The following AGBL1 variants were observed in gnomAD, a reference collection of about 807,000 sequenced individuals.
AGBL1 encodes the protein cytosolic carboxypeptidase 4.
A neutral mutation model predicts 118.9 loss-of-function variants in AGBL1; 130 were observed. The observed-to-expected ratio is 1.09, with a 90% CI of 0.95 to 1.26. The LOEUF (loss-of-function observed/expected upper bound fraction) is 1.26. Ranked by LOEUF, AGBL1 falls within the 50% of genes most tolerant of loss-of-function variation. AGBL1 has a pLI of 0.00. For synonymous variants in AGBL1, 555 were observed against 478.9 expected (o/e 1.16, Z -2.08); for missense variants, 1,584 against 1,298.1 (o/e 1.22, Z -3.38).
intron 18 of AGBL1, among the ~76,000 whole-genome samples, chr15:86,504,012 A>G (rs915557692): frequency 2.0e-5 from 3 of 151,652 alleles, no homozygotes; most frequent in African/African-American, 4.8e-5. Flanking sequence ...CCATTACTGA[A>G]AGTGGGGAAC....
chr15:86,439,893 G>A (rs1225596274), intron 18 of AGBL1, among the ~76,000 whole-genome samples: 1 of 152,130 alleles, frequency 6.6e-6, no homozygotes, highest in African/African-American at 2.4e-5. Context: ...TTATGTCAGA[G>A]CACAGAGCAC....
chr15:86,188,034 T>C (rs972254695), intron 5 of AGBL1, among the ~76,000 whole-genome samples: 4 of 152,218 alleles, frequency 2.6e-5, no homozygotes, highest in Non-Finnish European at 5.9e-5. Context: ...TTAAAGTTTT[T>C]TCGTCTCTCA....
downstream of AGBL1, among the ~76,000 whole-genome samples, chr15:86,917,479 C>T (rs1596632418): frequency 6.6e-6 from 1 of 152,128 alleles, no homozygotes; most frequent in African/African-American, 2.4e-5. This position sits in a 1 kb window ranked among gnomAD's most constrained non-coding sequence, Gnocchi z 4.8. Context: ...TATTACTGAG[C>T]ACACTGAATG....
chr15:86,127,534 A>T (rs542516339), intron 1 of AGBL1, among the ~76,000 whole-genome samples: 6 of 152,222 alleles, frequency 3.9e-5, no homozygotes, highest in Non-Finnish European at 8.8e-5. Flanking sequence ...GGCATCCACC[A>T]AAAGCAGGCC....
At chr15:86,310,704 G>T (rs1356792960) in intron 17 of AGBL1, among the ~76,000 whole-genome samples, 1 of 152,208 alleles carries the variant, frequency 6.6e-6, no homozygotes, top group Non-Finnish European at 1.5e-5. Flanking sequence ...ATGGAGCCGT[G>T]GGGGCCAGCC....
chr15:86,107,301 T>G (rs1377807497), intron 1 of AGBL1, among the ~76,000 whole-genome samples: 1 of 152,246 alleles, frequency 6.6e-6, no homozygotes, highest in Non-Finnish European at 1.5e-5. Context: ...TTAATTTTCA[T>G]ATGTAGTGGC....
chr15:86,936,972 C>A (rs148721068), intron 23 of AGBL1, among the ~76,000 whole-genome samples: 28 of 152,102 alleles, frequency 1.8e-4, no homozygotes, highest in African/African-American at 4.3e-4. Flanking sequence ...AACATACAAC[C>A]CCATTAAAAA....
intron 9 of AGBL1, among the ~76,000 whole-genome samples, chr15:86,260,169 C>T (rs2078960654): frequency 6.6e-6 from 1 of 152,202 alleles, no homozygotes; most frequent in African/African-American, 2.4e-5. Flanking sequence ...GAAACTGCTC[C>T]AGAAAACTGG....
chr15:86,597,190 A>G (rs958410989), intron 21 of AGBL1, among the ~76,000 whole-genome samples: 1 of 149,496 alleles, frequency 6.7e-6, no homozygotes, highest in Non-Finnish European at 1.5e-5. Context: ...TTATCTAGCT[A>G]GCTAGCCAGC....
intron 5 of AGBL1, among the ~76,000 whole-genome samples, chr15:86,170,759 T>C (rs1340372522): frequency 1.3e-5 from 2 of 151,890 alleles, no homozygotes. Context: ...GGCAGGAGAA[T>C]TGCTTGAACC....
At chr15:86,268,854 A>G (rs2079113254) in intron 13 of AGBL1, among the ~76,000 whole-genome samples, 1 of 152,164 alleles carries the variant, frequency 6.6e-6, no homozygotes, top group Non-Finnish European at 1.5e-5. Flanking sequence ...ATCTCACACA[A>G]TGCCATTTAC....
chr15:86,152,722 A>G (rs974374402), intron 3 of AGBL1, among the ~76,000 whole-genome samples: 17 of 152,234 alleles, frequency 1.1e-4, no homozygotes, highest in Admixed American at 3.9e-4. Flanking sequence ...ATCAGAGTGA[A>G]CAGGCATCCT....
At position 86,827,392 on chromosome 15, in the gene AGBL1, T is replaced by C. The variant is rs1375141028; in HGVS notation, c.3159-79695T>C. Among the ~76,000 whole-genome samples, 11 of 8,612 alleles carry C rather than the reference T, an allele frequency of 1.3e-3. No homozygotes were observed. The East Asian group carries it at 0.25, about 196-fold the overall frequency. The allele number at this position is 8,612 out of a possible 152,430, so 5.6% of individuals were successfully genotyped here. A position where few individuals can be genotyped will look rare whatever the true frequency, so the allele number is the denominator to read the frequency against. The stretch of plus-strand genomic sequence containing the variant: ...GTGTATATATATATATACACATATA[T>C]ATATACATATATATATGTGTATATA... On this transcript the variant is annotated intron_variant, in intron 22 of 22. Coordinates refer to ENST00000614907, the MANE Select transcript of AGBL1 (RefSeq NM_001386094.1).
In AGBL1 at chr15:86,517,909, T is replaced by C. The variant is rs565233170; in HGVS notation, c.2556-4901T>C. On this transcript the variant is annotated intron_variant, in intron 18 of 22. Coordinates refer to ENST00000614907, the MANE Select transcript of AGBL1 (RefSeq NM_001386094.1). The stretch of plus-strand genomic sequence containing the variant: ...CGTGTTCTTGAAGCTTTCATGCATC[T>C]CTTTGCCTTCATAGATATTCTCCTC... Among the ~76,000 whole-genome samples the C allele has an allele frequency of 6.6e-5, 10 of 152,314 alleles. No individual in the cohort carries two copies. The East Asian group carries it at 1.7e-3, about 26-fold the overall frequency.
chr15:86,344,343 C>T (rs371985754), intron 17 of AGBL1, among the ~76,000 whole-genome samples: 4 of 152,260 alleles, frequency 2.6e-5, no homozygotes, highest in East Asian at 1.9e-4. Context: ...CTGCCAAGCA[C>T]GAAGCCAATA....
chr15:86,128,841 G>A (rs1006832007), intron 1 of AGBL1, among the ~76,000 whole-genome samples: 2 of 152,168 alleles, frequency 1.3e-5, no homozygotes, highest in African/African-American at 4.8e-5. Flanking sequence ...CATTAGTTGA[G>A]CAGATACTTC....
In AGBL1 at chr15:86,718,065, A is replaced by G. The variant is rs534761401; in HGVS notation, c.3158+43629A>G. On this transcript the variant is annotated intron_variant, in intron 22 of 22. Transcript: ENST00000614907. ...TGCACTCCAGACTCCAGCCTGGGCA[A>G]TGGAGCAGGACCCCATCTAAACAAA... 2.7e-3 allele frequency among the ~76,000 whole-genome samples: 410 copies of G among 152,314 alleles called. 1 individual carries two copies. Among genetic ancestry groups the G allele is most frequent in the African/African-American group, 9.3e-3 (385 of 41,558 alleles).
intron 24 of AGBL1, chr15:87,028,814 T>C (rs778862964): frequency 6.2e-7 from 1 of 1,604,772 alleles, no homozygotes; most frequent in Non-Finnish European, 8.5e-7. Context: ...ATATTTCTTA[T>C]TCCTTCTCAG....
At chr15:86,698,618 T>C (rs1469372378) in intron 22 of AGBL1, among the ~76,000 whole-genome samples, 2 of 151,678 alleles carry the variant, frequency 1.3e-5, no homozygotes, top group African/African-American at 2.4e-5. Flanking sequence ...TTGTTTTTTT[T>C]TTTTTTTAAA....
Sources: allele counts gnomAD v4.1 joint callset (sites outside exome capture counted in the v4.1 genomes callset), GRCh38; gene constraint gnomAD v4.1.1; non-coding constraint Gnocchi (gnomAD v3.1); transcripts MANE v1.5; gene names NCBI Gene and HGNC (gene_info 2026-07-23, HGNC 2026-07-21).